Variants in DAB1 observed in about 807,000 individuals in gnomAD.
The protein encoded by DAB1 is disabled homolog 1.
DAB1 carries 15 observed loss-of-function variants against 64.6 expected under a neutral mutation model. The ratio of observed to expected loss-of-function variants is 0.23; its 90% confidence interval spans 0.16 to 0.36. The LOEUF is 0.36. DAB1 is among the 10% of genes least tolerant of loss of function. The probability of loss-of-function intolerance (pLI) is 1.00; values close to 1 mark genes in which losing one functional copy is unlikely to be tolerated. For synonymous variants in DAB1, 235 were observed against 251.9 expected (o/e 0.93, Z 0.64); for missense variants, 596 against 706.7 (o/e 0.84, Z 1.78).
At chr1:57,539,136 AT>A (rs1480053646) in intron 7 of DAB1, among the ~76,000 whole-genome samples, 2 of 152,242 alleles carry the variant, frequency 1.3e-5, no homozygotes, top group Non-Finnish European at 2.9e-5. Flanking sequence ...AAGAATCAAT[AT>A]CAGCTCAGCC....
intron 2 of DAB1, among the ~76,000 whole-genome samples, chr1:57,148,596 T>C (rs190752347): frequency 1.3e-5 from 2 of 152,228 alleles, no homozygotes; most frequent in Admixed American, 1.3e-4. Flanking sequence ...ACTATGTTAC[T>C]GAAAACACCA....
chr1:58,170,234 G>A (rs1193090948), intron 4 of DAB1, among the ~76,000 whole-genome samples: 2 of 152,156 alleles, frequency 1.3e-5, no homozygotes, highest in African/African-American at 2.4e-5. Flanking sequence ...CTGTGGACCT[G>A]TGTTCTAGAA....
intron 6 of DAB1, among the ~76,000 whole-genome samples, chr1:57,705,079 T>C (rs1195496844): frequency 6.6e-6 from 1 of 152,156 alleles, no homozygotes; most frequent in Non-Finnish European, 1.5e-5. Flanking sequence ...CAGCAGCCCA[T>C]CACCTTTATA....
chr1:58,149,381 A>G (rs1476963465), intron 5 of DAB1, among the ~76,000 whole-genome samples: 5 of 152,188 alleles, frequency 3.3e-5, no homozygotes, highest in Admixed American at 6.5e-5. Flanking sequence ...ACTTTATTCT[A>G]TCTTGCAAGT....
At chr1:58,316,139 A>T (rs886416421) in intron 4 of DAB1, among the ~76,000 whole-genome samples, 3 of 152,242 alleles carry the variant, frequency 2.0e-5, no homozygotes, top group Admixed American at 6.5e-5. Context: ...CCTGTGCTAC[A>T]AATTCAATAC....
intron 1 of DAB1, among the ~76,000 whole-genome samples, chr1:57,871,435 T>TGGGC (rs1251774554): frequency 3.3e-5 from 5 of 152,190 alleles, no homozygotes; most frequent in African/African-American, 1.2e-4. Context: ...AGAAATTATC[T>TGGGC]TTCCGAAGAT....
At chr1:57,272,221 G>C (rs1671069443) in intron 2 of DAB1, among the ~76,000 whole-genome samples, 1 of 152,160 alleles carries the variant, frequency 6.6e-6, no homozygotes. Flanking sequence ...CAATGTGAAG[G>C]CTGAGCATTC....
chr1:57,554,912 T>C (rs927329314), intron 7 of DAB1, among the ~76,000 whole-genome samples: 1 of 152,160 alleles, frequency 6.6e-6, no homozygotes, highest in African/African-American at 2.4e-5. Context: ...GCATTTTGCA[T>C]GACTAGCTTC....
At chr1:57,012,841 C>A (rs983643283) in intron 12 of DAB1, among the ~76,000 whole-genome samples, 1 of 152,196 alleles carries the variant, frequency 6.6e-6, no homozygotes, top group Non-Finnish European at 1.5e-5. Context: ...AGCTGAGTTG[C>A]CAGTTCTGGC....
At chr1:57,111,831 A>C (rs890311740) in intron 4 of DAB1, among the ~76,000 whole-genome samples, 12 of 152,202 alleles carry the variant, frequency 7.9e-5, no homozygotes, top group Admixed American at 3.9e-4. Flanking sequence ...TGATCAATAC[A>C]TAGTTGCTGT....
In DAB1 at chr1:57,922,845, CAAAA is replaced by C. The variant is rs367897659; in HGVS notation, n.388-38687_388-38684del. ...TGGGTGACAAAGCGAGACTCCATCT[CAAAA>C]AAAAAAAAAAAAAAAAAAAGATTTG... On this transcript the variant is annotated intron_variant and non_coding_transcript_variant, in intron 5 of 20. Transcript: ENST00000485760. Among the ~76,000 whole-genome samples the C allele has an allele frequency of 1.4e-3, 63 of 45,010 alleles. No homozygotes were observed. In the South Asian group the frequency reaches 0.034, roughly 24 times the overall value. The allele number at this position is 45,010 out of a possible 152,430, so 29.5% of individuals were successfully genotyped here. A position where few individuals can be genotyped will look rare whatever the true frequency, so the allele number is the denominator to read the frequency against.
In DAB1 at chr1:57,826,668, A is replaced by G. The variant is rs148762173; in HGVS notation, n.88-213T>C. Reference sequence around the variant, plus strand: ...GCAAACAGGCATCGGAGCAGATGTGACAAGTGCACAGGGTTAATCAAGCAT... The same window carrying G: ...GCAAACAGGCATCGGAGCAGATGTGGCAAGTGCACAGGGTTAATCAAGCAT... On this transcript the variant is annotated intron_variant and non_coding_transcript_variant, in intron 1 of 1. Transcript: ENST00000477280. 9.2e-3 allele frequency among the ~76,000 whole-genome samples: 1,396 copies of G among 152,316 alleles called. 21 individuals carry two copies. Among genetic ancestry groups the G allele is most frequent in the African/African-American group, 0.033 (1,354 of 41,572 alleles).
At chr1:58,405,726 C>G (rs1336295255) in intron 3 of DAB1, among the ~76,000 whole-genome samples, 1 of 152,190 alleles carries the variant, frequency 6.6e-6, no homozygotes, top group Non-Finnish European at 1.5e-5. Flanking sequence ...ATCCCAGAAG[C>G]TAGCACACTA....
intron 6 of DAB1, among the ~76,000 whole-genome samples, chr1:57,700,038 T>C (rs1387999874): frequency 6.6e-6 from 1 of 152,206 alleles, no homozygotes; most frequent in Admixed American, 6.5e-5. Flanking sequence ...CTGTCTCTTT[T>C]CTAACTTGCT....
chr1:57,692,767 G>A (rs1361256791), intron 6 of DAB1, among the ~76,000 whole-genome samples: 1 of 152,128 alleles, frequency 6.6e-6, no homozygotes. Context: ...AAACCGTGGA[G>A]GCCTAGACCT....
chr1:58,287,042 A>C (rs1284701893), intron 4 of DAB1, among the ~76,000 whole-genome samples: 1 of 152,232 alleles, frequency 6.6e-6, no homozygotes, highest in Non-Finnish European at 1.5e-5. Context: ...GCTGGAAGCC[A>C]TTATCTTTAG....
At chr1:58,376,149 T>C (rs1569702397) in intron 3 of DAB1, among the ~76,000 whole-genome samples, 1 of 152,016 alleles carries the variant, frequency 6.6e-6, no homozygotes, top group East Asian at 1.9e-4. Context: ...TCATTGATTT[T>C]TTGAAGGGGT....
intron 2 of DAB1, among the ~76,000 whole-genome samples, chr1:57,290,249 A>G (rs111603358): frequency 1.5e-5 from 2 of 136,966 alleles, no homozygotes; most frequent in East Asian, 2.3e-4. Flanking sequence ...TCAGTTCAGG[A>G]AAAAAAAAAA....
intron 4 of DAB1, among the ~76,000 whole-genome samples, chr1:58,236,426 G>A (rs1428548409): frequency 6.6e-6 from 1 of 151,968 alleles, no homozygotes; most frequent in Non-Finnish European, 1.5e-5. Flanking sequence ...ACGCATGGGG[G>A]ACACAGCACC....
Sources: gnomAD v4.1 joint callset for allele counts (sites outside exome capture counted in the v4.1 genomes callset) on GRCh38, gnomAD v4.1.1 for gene constraint, MANE v1.5 for transcripts, NCBI Gene and HGNC (gene_info 2026-07-23, HGNC 2026-07-21) for gene names.